The following ASIC2 variants were observed in gnomAD, a reference collection of about 807,000 sequenced individuals.
The protein encoded by ASIC2 is acid-sensing ion channel 2.
ASIC2 carries 25 observed loss-of-function variants against 57.3 expected under a neutral mutation model. The ratio of observed to expected loss-of-function variants is 0.44; its 90% CI spans 0.32 to 0.61. The LOEUF is 0.61. ASIC2 is among the 20% of genes least tolerant of loss of function. The probability of loss-of-function intolerance (pLI) is 0.06; values close to 1 mark genes in which losing one functional copy is unlikely to be tolerated. For synonymous variants in ASIC2, 319 were observed against 307.5 expected (o/e 1.04, Z -0.39); for missense variants, 641 against 738.1 (o/e 0.87, Z 1.52).
At chr17:33,604,722 G>A (rs755740358) in intron 1 of ASIC2, among the ~76,000 whole-genome samples, 1 of 152,106 alleles carries the variant, frequency 6.6e-6, no homozygotes, top group African/African-American at 2.4e-5. Flanking sequence ...AGGAAAGACC[G>A]CTAAAAGGAG....
chr17:34,069,526 T>TC (rs1909319443), intron 1 of ASIC2: 2 of 152,322 alleles, frequency 1.3e-5, no homozygotes, highest in Admixed American at 6.5e-5. Context: ...GGCCTTGGGC[T>TC]CCTTCTTGAA....
intron 3 of ASIC2, among the ~76,000 whole-genome samples, chr17:33,047,426 T>G (rs2091960076): frequency 6.6e-6 from 1 of 151,884 alleles, no homozygotes; most frequent in South Asian, 2.1e-4. Flanking sequence ...GTACCCTCTG[T>G]CTCCTAGGCT....
chr17:33,256,117 A>T (rs573562956), intron 1 of ASIC2, among the ~76,000 whole-genome samples: 1 of 152,228 alleles, frequency 6.6e-6, no homozygotes, highest in African/African-American at 2.4e-5. Context: ...TAAGCTACAG[A>T]TATGCTGCAT....
chr17:33,847,200 A>G (rs1343542835), intron 1 of ASIC2, among the ~76,000 whole-genome samples: 1 of 151,704 alleles, frequency 6.6e-6, no homozygotes, highest in Non-Finnish European at 1.5e-5. Flanking sequence ...GAAAGTTTCT[A>G]GTAGCTTCAG....
chr17:33,762,281 G>A (rs550949074), intron 1 of ASIC2, among the ~76,000 whole-genome samples: 2 of 152,236 alleles, frequency 1.3e-5, no homozygotes, highest in African/African-American at 4.8e-5. Flanking sequence ...GGATTGAAAA[G>A]ATATCAACCA....
In ASIC2 at chr17:33,386,556, G is replaced by A. The variant is rs558713543; in HGVS notation, c.556-274489C>T. Among the ~76,000 whole-genome samples, 21 of 152,242 alleles carry A rather than the reference G, an allele frequency of 1.4e-4. No individual in the cohort carries two copies. The South Asian group carries it at 3.1e-3, about 23-fold the overall frequency. ...TGAAACCATCCACTTCTCCCTCAAT[G>A]ACTTTACTGCCACCTCTCTGAGCTG... On this transcript the variant is annotated intron_variant, in intron 1 of 9. Coordinates refer to the ASIC2 transcript ENST00000359872.
At chr17:33,784,549 G>A (rs1394589794) in intron 1 of ASIC2, among the ~76,000 whole-genome samples, 1 of 152,144 alleles carries the variant, frequency 6.6e-6, no homozygotes, top group Admixed American at 6.5e-5. Flanking sequence ...GGAAAGAGAT[G>A]TAAAAAGATG....
chr17:34,009,245 C>T (rs1248224806), intron 1 of ASIC2, among the ~76,000 whole-genome samples: 1 of 152,124 alleles, frequency 6.6e-6, no homozygotes, highest in East Asian at 1.9e-4. Flanking sequence ...ATCCAGAGCC[C>T]TCAGCTCAGC....
intron 1 of ASIC2, among the ~76,000 whole-genome samples, chr17:33,230,627 G>A (rs937678658): frequency 6.6e-6 from 1 of 152,054 alleles, no homozygotes; most frequent in Non-Finnish European, 1.5e-5. Context: ...TGTAAAATGG[G>A]GATAATCATG....
intron 1 of ASIC2, among the ~76,000 whole-genome samples, chr17:34,114,359 ACT>A (rs1393760927): frequency 6.6e-6 from 1 of 152,098 alleles, no homozygotes; most frequent in African/African-American, 2.4e-5. Context: ...TCTGTCCCAC[ACT>A]CTAAAACCAA....
chr17:33,956,429 A>C (rs1904736988), intron 1 of ASIC2, among the ~76,000 whole-genome samples: 1 of 152,130 alleles, frequency 6.6e-6, no homozygotes, highest in Admixed American at 6.6e-5. Flanking sequence ...TTCAGTCAGG[A>C]AGGTGTCACG....
intron 1 of ASIC2, among the ~76,000 whole-genome samples, chr17:33,958,825 G>A (rs368567649): frequency 1.3e-5 from 2 of 152,098 alleles, no homozygotes; most frequent in East Asian, 3.9e-4. Flanking sequence ...CCAGAAGATG[G>A]GTTTTTCTTT....
At chr17:33,635,185 A>T (rs1217892419) in intron 1 of ASIC2, 2 of 152,178 alleles carry the variant, frequency 1.3e-5, no homozygotes, top group East Asian at 3.8e-4. Flanking sequence ...AGAAGATTAT[A>T]ATGAAATTAG....
At position 33,291,585 on chromosome 17, in the gene ASIC2, G is replaced by A; in HGVS notation, c.531C>T (p.Gly177=). Residue 177 remains glycine, a synonymous_variant, in exon 1 of 10, where the codon GGC becomes GGT. Coordinates refer to ENST00000225823, the MANE Select transcript of ASIC2 (RefSeq NM_183377.2). ...ARPLVSELLR[G]DEPRRQWFRK... ...GGAACCACTGGCGGCGCGGCTCGTC[G>A]CCCCGCAGCAGCTCGCTGACAAGCG... 1 of 1,607,950 alleles carries A rather than the reference G, an allele frequency of 6.2e-7. No homozygotes were observed. The highest frequency in any genetic ancestry group is 8.5e-7 in the Non-Finnish European group (1 of 1,178,430).
intron 1 of ASIC2, among the ~76,000 whole-genome samples, chr17:33,606,706 G>A (rs1330595026): frequency 1.3e-5 from 2 of 152,168 alleles, no homozygotes; most frequent in Non-Finnish European, 2.9e-5. Context: ...ATGAATGAAT[G>A]AATGAATGAA....
At chr17:33,585,419 A>G (rs1307215449) in intron 1 of ASIC2, among the ~76,000 whole-genome samples, 1 of 152,244 alleles carries the variant, frequency 6.6e-6, no homozygotes, top group East Asian at 1.9e-4. Context: ...AAGAAATTCA[A>G]ATCTTATTGA....
At chr17:33,275,570 G>C (rs1904672017) in intron 1 of ASIC2, among the ~76,000 whole-genome samples, 1 of 152,196 alleles carries the variant, frequency 6.6e-6, no homozygotes, top group Non-Finnish European at 1.5e-5. Context: ...ACTCTTGCTA[G>C]GTTTGTGACC....
At chr17:33,571,238 G>A (rs1023475005) in intron 1 of ASIC2, among the ~76,000 whole-genome samples, 5 of 152,110 alleles carry the variant, frequency 3.3e-5, no homozygotes, top group Admixed American at 1.3e-4. Flanking sequence ...CACTCTGTGA[G>A]GCAGGGGCTA....
intron 1 of ASIC2, among the ~76,000 whole-genome samples, chr17:33,392,454 G>A (rs768196291): frequency 2.0e-5 from 3 of 151,892 alleles, no homozygotes; most frequent in Admixed American, 6.6e-5. Context: ...TAGTAGAGAC[G>A]GGGTTTTCCC....
Sources: allele counts gnomAD v4.1 joint callset (sites outside exome capture counted in the v4.1 genomes callset), GRCh38; gene constraint gnomAD v4.1.1; transcripts MANE v1.5; gene names NCBI Gene and HGNC (gene_info 2026-07-23, HGNC 2026-07-21).